The following ABLIM2 variants were observed in gnomAD, a reference collection of about 807,000 sequenced individuals.
The protein encoded by ABLIM2 is actin-binding LIM protein 2.
A neutral mutation model predicts 97.7 loss-of-function variants in ABLIM2; 53 were observed. The observed-to-expected ratio is 0.54, with a 90% CI of 0.44 to 0.68. The LOEUF (loss-of-function observed/expected upper bound fraction) is 0.68. Ranked by LOEUF, ABLIM2 falls within the 30% of genes least tolerant of loss-of-function variation. The pLI is 0.00. For missense variants in ABLIM2, 835 were observed against 867.2 expected (o/e 0.96, Z 0.47); for synonymous variants, 361 against 345.8 (o/e 1.04, Z -0.49).
At chr4:7,983,666 C>G in intron 18 of ABLIM2, 112 bp from the exon 19 acceptor site, 2 of 1,308,056 alleles carry the variant, frequency 1.5e-6, no homozygotes, top group Non-Finnish European at 2.2e-6. Context: ...CTGCAGTCAC[C>G]TGGGCCATGC....
rs1288167680 is a variant in ABLIM2 at position 8,095,912 on chromosome 4, T to A, written c.338+1187A>T. 6.6e-6 allele frequency among the ~76,000 whole-genome samples: 1 copy of A among 152,190 alleles called. No individual in the cohort carries two copies. Among genetic ancestry groups the A allele is most frequent in the Non-Finnish European group, 1.5e-5 (1 of 68,026 alleles). ...TCATTCTCTGCCCCACTGTGTGAAA[T>A]TCCTCTGCGACTACAGGGCTTCATA... On this transcript the variant is annotated intron_variant, in intron 3 of 20. Coordinates refer to ENST00000447017, the MANE Select transcript of ABLIM2 (RefSeq NM_001130083.2). This position sits in a 1 kb window ranked among gnomAD's most constrained non-coding sequence, Gnocchi z 4.7.
rs1809560172 is a variant in ABLIM2 at position 8,068,501 on chromosome 4, C to A, written c.676-7447G>T. Among the ~76,000 whole-genome samples the A allele has an allele frequency of 1.3e-5, 2 of 152,208 alleles. No individual in the cohort carries two copies. The highest frequency in any genetic ancestry group is 2.4e-5 in the African/African-American group (1 of 41,448). On this transcript the variant is annotated intron_variant, in intron 6 of 20. Transcript: ENST00000447017. This position sits in a 1 kb window ranked among gnomAD's most constrained non-coding sequence, Gnocchi z 4.5. The stretch of plus-strand genomic sequence containing the variant: ...GCAAAGCTGTCCCGCCTCCAGAAAC[C>A]CCTCCTGTCCCAGCAGAGGAGAGCT...
rs1807636566 is a variant in ABLIM2, at chr4:8,066,392, A to AGGAAGGAAGGAC, written c.676-5339_676-5338insGTCCTTCCTTCC. On this transcript the variant is annotated intron_variant, in intron 6 of 20. Coordinates refer to ENST00000447017, the MANE Select transcript of ABLIM2 (RefSeq NM_001130083.2). ...AAGGAAGGAAGGAAGGAAGGAAGGA[A>AGGAAGGAAGGAC]GGAAGGAAGGAAGGAAGGAAGGAAG... is the stretch of plus-strand genomic sequence containing the variant. 5 of 108,136 alleles carry AGGAAGGAAGGAC rather than the reference A, an allele frequency of 4.6e-5. No homozygotes were observed. The East Asian group carries it at 1.7e-3, about 37-fold the overall frequency. The allele number at this position is 108,136 out of a possible 1,614,324, so 6.7% of individuals were successfully genotyped here. A position where few individuals can be genotyped will look rare whatever the true frequency, so the allele number is the denominator to read the frequency against.
At chr4:8,007,947 G>A in intron 16 of ABLIM2, 112 bp downstream of exon 16, 3 of 1,499,908 alleles carry the variant, frequency 2.0e-6, no homozygotes, top group East Asian at 4.6e-5. Flanking sequence ...TTGCTTTCAT[G>A]CTTTTTAACA....
chr4:8,133,333 A>G (rs1849694847), intron 1 of ABLIM2, among the ~76,000 whole-genome samples: 1 of 152,054 alleles, frequency 6.6e-6, no homozygotes, highest in African/African-American at 2.4e-5. Flanking sequence ...TCCTCTTTTC[A>G]TCAGGGGACC....
rs930180488 is a variant in ABLIM2 at position 8,001,358 on chromosome 4, T to G, written c.1618+6701A>C. Among the ~76,000 whole-genome samples, 3 of 152,034 alleles carry G rather than the reference T, an allele frequency of 2.0e-5. No individual in the cohort carries two copies. The highest frequency in any genetic ancestry group is 2.9e-5 in the Non-Finnish European group (2 of 67,980). On this transcript the variant is annotated intron_variant, in intron 16 of 20. Transcript: ENST00000447017. The surrounding 1 kb of genome is among the most constrained non-coding windows in gnomAD (Gnocchi z 4.2). ...GGCCACACCCTGTTCAGTCCCTAGG[T>G]GTGGATAAGCCTGCTGGGCAGGGGG...
At chr4:8,114,648 A>G (rs957219352) in intron 1 of ABLIM2, among the ~76,000 whole-genome samples, 2 of 152,112 alleles carry the variant, frequency 1.3e-5, no homozygotes, top group African/African-American at 4.8e-5. Flanking sequence ...CCCCATTCTC[A>G]CCACGGCCAT....
In ABLIM2 at chr4:8,155,865, C is replaced by A. The variant is rs182855379; in HGVS notation, c.10+2815G>T. ...GACACAGACACACACAAAGGGAAGA[C>A]GGGGCGAGGACACAGGGAGAGGGCG... On this transcript the variant is annotated intron_variant, in intron 1 of 20. Coordinates refer to ENST00000447017, the MANE Select transcript of ABLIM2 (RefSeq NM_001130083.2). This position sits in a 1 kb window ranked among gnomAD's most constrained non-coding sequence, Gnocchi z 4.2. 4.3e-3 allele frequency among the ~76,000 whole-genome samples: 652 copies of A among 152,014 alleles called. 27 individuals are homozygous for A. Among genetic ancestry groups the A allele is most frequent in the Admixed American group, 0.038 (569 of 15,142 alleles).
chr4:8,041,142 C>A lies in ABLIM2; in HGVS notation c.900+4022G>T, dbSNP rs117326298. ...AGCTGAGACACAGTGCACCACGCTG[C>A]AGTTGACCTGGGTCAAGTGCATGCC... On this transcript the variant is annotated intron_variant, in intron 9 of 20. Transcript: ENST00000447017. Among the ~76,000 whole-genome samples, 274 of 152,360 alleles carry A rather than the reference C, an allele frequency of 1.8e-3. 2 individuals carry two copies. The East Asian group carries it at 0.028, about 15-fold the overall frequency.
chr4:8,091,409 AATTATAT>A lies in ABLIM2; in HGVS notation c.339-3132_339-3126del, dbSNP rs1238884952. Among the ~76,000 whole-genome samples the A allele has an allele frequency of 3.7e-3, 213 of 57,984 alleles. 15 individuals carry two copies. The highest frequency in any genetic ancestry group is 4.1e-3 in the Non-Finnish European group (132 of 32,040). 38.0% of individuals were successfully genotyped at this position (57,984 alleles called of 152,430 possible). A position where few individuals can be genotyped will look rare whatever the true frequency, so the allele number is the denominator to read the frequency against. ...TTATATATAATTATATGTAATATAT[AATTATAT>A]ATTATATATTATATATAATTAATTA... On this transcript the variant is annotated intron_variant, in intron 3 of 20. Transcript: ENST00000447017.
intron 1 of ABLIM2, among the ~76,000 whole-genome samples, chr4:8,133,765 C>T (rs1056559795): frequency 1.3e-5 from 2 of 152,196 alleles, no homozygotes; most frequent in East Asian, 1.9e-4. Context: ...CTTGAGACAG[C>T]GATTCCCAGA....
intron 9 of ABLIM2, chr4:8,041,324 G>C (rs1788338585): frequency 6.6e-6 from 1 of 152,296 alleles, no homozygotes; most frequent in Non-Finnish European, 1.5e-5. Context: ...TGGGTCCCCA[G>C]GGCTCCACAG....
At chr4:8,119,471 G>A (rs1230537111) in intron 1 of ABLIM2, among the ~76,000 whole-genome samples, 1 of 151,954 alleles carries the variant, frequency 6.6e-6, no homozygotes, top group African/African-American at 2.4e-5. Flanking sequence ...GGGATTATAG[G>A]TGCGTGCCAC....
intron 1 of ABLIM2, among the ~76,000 whole-genome samples, chr4:8,115,435 C>T (rs560743105): frequency 5.3e-5 from 8 of 152,290 alleles, no homozygotes; most frequent in African/African-American, 1.9e-4. Context: ...GCCTGCTGGG[C>T]TCACCTGGAG....
chr4:8,086,349 CTTTTT>C (rs1228215168), intron 4 of ABLIM2, among the ~76,000 whole-genome samples: 2 of 122,984 alleles, frequency 1.6e-5, no homozygotes, highest in Non-Finnish European at 3.5e-5. Flanking sequence ...TCCCCTCCCA[CTTTTT>C]TTTTTTTTTT....
intron 16 of ABLIM2, chr4:8,007,353 A>G (rs1308699584): frequency 1.0e-6 from 1 of 985,134 alleles, no homozygotes; most frequent in Non-Finnish European, 1.2e-6. Context: ...ACCCCCATCC[A>G]TCCTCTCCCA....
At position 8,015,809 on chromosome 4, in the gene ABLIM2, C is replaced by T. The variant is rs975670831; in HGVS notation, c.1423+3809G>A. Among the ~76,000 whole-genome samples the T allele has an allele frequency of 6.6e-6, 1 of 152,054 alleles. No homozygotes were observed. Among genetic ancestry groups the T allele is most frequent in the African/African-American group, 2.4e-5 (1 of 41,390 alleles). On this transcript the variant is annotated intron_variant, in intron 14 of 20. Coordinates refer to ENST00000447017, the MANE Select transcript of ABLIM2 (RefSeq NM_001130083.2). The surrounding 1 kb of genome is among the most constrained non-coding windows in gnomAD (Gnocchi z 4.6). Reference sequence around the variant, plus strand: ...AGGACTGTCCCTGCATCTGGAGAGTCGAACTTACTGGGAAATGTTGGGGAG... The same window carrying T: ...AGGACTGTCCCTGCATCTGGAGAGTTGAACTTACTGGGAAATGTTGGGGAG...
chr4:8,132,288 T>C lies in ABLIM2; in HGVS notation c.11-25651A>G, dbSNP rs1393706145. Among the ~76,000 whole-genome samples, 1 of 151,780 alleles carries C rather than the reference T, an allele frequency of 6.6e-6. No individual in the cohort carries two copies. The highest frequency in any genetic ancestry group is 1.5e-5 in the Non-Finnish European group (1 of 67,962). ...ACCCATCACGGGGGCATGGATGGGG[T>C]ATAATTACTCACATCTTCATTTCTG... On this transcript the variant is annotated intron_variant, in intron 1 of 20. Coordinates refer to ENST00000447017, the MANE Select transcript of ABLIM2 (RefSeq NM_001130083.2). The surrounding 1 kb of genome is among the most constrained non-coding windows in gnomAD (Gnocchi z 8.0).
intron 7 of ABLIM2, among the ~76,000 whole-genome samples, chr4:8,059,289 G>A (rs1320447747): frequency 1.3e-5 from 2 of 152,032 alleles, no homozygotes; most frequent in African/African-American, 4.8e-5. Context: ...TGGCATAAGG[G>A]TTATTTTGAG....
Sources: allele counts gnomAD v4.1 joint callset (sites outside exome capture counted in the v4.1 genomes callset), GRCh38; gene constraint gnomAD v4.1.1; non-coding constraint Gnocchi (gnomAD v3.1); transcripts MANE v1.5; gene names NCBI Gene and HGNC (gene_info 2026-07-23, HGNC 2026-07-21).